Variants in INTS8 observed in about 807,000 individuals in gnomAD.
INTS8 encodes integrator complex subunit 8.
Under a neutral mutation model 138.9 loss-of-function variants are expected in INTS8, and 47 were observed. That is an observed-to-expected ratio of 0.34 (90% CI 0.27 to 0.43). The LOEUF (loss-of-function observed/expected upper bound fraction) is 0.43. Ranked by LOEUF, INTS8 falls within the 20% of genes least tolerant of loss-of-function variation. The pLI, the probability that INTS8 is intolerant of heterozygous loss-of-function variation, is 1.00. For synonymous variants in INTS8, 392 were observed against 400.9 expected (o/e 0.98, Z 0.27); for missense variants, 996 against 1,173.0 (o/e 0.85, Z 2.20).
intron 7 of INTS8, among the ~76,000 whole-genome samples, chr8:94,836,844 TTCTC>T (rs72486224): frequency 6.6e-6 from 1 of 152,050 alleles, no homozygotes; most frequent in African/African-American, 2.4e-5. Context: ...TCCAGCTTTT[TTCTC>T]TCTGTTTTTG....
At chr8:94,879,007 A>C (rs1218378469) in intron 26 of INTS8, among the ~76,000 whole-genome samples, 1 of 152,136 alleles carries the variant, frequency 6.6e-6, no homozygotes, top group Non-Finnish European at 1.5e-5. Flanking sequence ...TAGGTAATTT[A>C]ATCCACTCTC....
chr8:94,841,537 C>A lies in INTS8; in HGVS notation c.1064C>A (p.Pro355His), dbSNP rs745497753. 6.2e-7 allele frequency: 1 copy of A among 1,609,142 alleles called. No individual in the cohort carries two copies. Among genetic ancestry groups the A allele is most frequent in the South Asian group, 1.1e-5 (1 of 90,428 alleles). Residue 355 changes from proline to histidine, a missense_variant, in exon 9 of 27, where the codon CCT becomes CAT. Pro to His is a moderately conservative substitution (Grantham distance 77). Transcript: ENST00000523731. Reference protein sequence around the residue: ...FIEDNLTLSLPVQFRQSVLRE... With the variant: ...FIEDNLTLSLHVQFRQSVLRE... Reference sequence around the variant, plus strand: ...GAAGACAACTTAACCTTGAGTTTACCTGTCCAGTTCCGACAGTCAGTCCTA... The same window carrying A: ...GAAGACAACTTAACCTTGAGTTTACATGTCCAGTTCCGACAGTCAGTCCTA...
chr8:94,866,033 T>C, intron 17 of INTS8, 125 bp from the exon 18 acceptor site: 1 of 568,454 alleles, frequency 1.8e-6, no homozygotes, highest in Non-Finnish European at 3.2e-6. Flanking sequence ...CAGTAGAATA[T>C]TACATTCCTT....
Position 94,881,504 on chromosome 8 carries a change from G to GC in INTS8, c.*1271dup. The GC allele has an allele frequency of 1.3e-6, 1 of 781,796 alleles. No individual in the cohort carries two copies. The highest frequency in any genetic ancestry group is 2.0e-5 in the South Asian group (1 of 50,082). 48.4% of individuals were successfully genotyped at this position (781,796 alleles called of 1,614,324 possible). A position where few individuals can be genotyped will look rare whatever the true frequency, so the allele number is the denominator to read the frequency against. The stretch of plus-strand genomic sequence containing the variant: ...AATTGTAAGTTTTAAAATCAGAATG[G>GC]CAGTGTAACTTGTGAATTGGCTAGG... On this transcript the variant is annotated 3_prime_UTR_variant, in exon 27 of 27. Transcript: ENST00000523731.
At position 94,849,497 on chromosome 8, in the gene INTS8, A is replaced by G. The variant is rs1300957592; in HGVS notation, c.1296A>G (p.Ser432=). 5.1e-6 allele frequency: 8 copies of G among 1,571,410 alleles called. No individual in the cohort carries two copies. Among genetic ancestry groups the G allele is most frequent in the Non-Finnish European group, 6.9e-6 (8 of 1,153,960 alleles). The change falls in exon 11 of 27, where the codon TCA becomes TCG. Residue 432 remains serine (S), a synonymous_variant. Transcript: ENST00000523731. ...GATCAGTAAATTTAGAAAAAGCTTC[A>G]GAGTCTTTGAAAGGAAACATGGCTG... is the stretch of plus-strand genomic sequence containing the variant. ...CSRSVNLEKA[S]ESLKGNMAAF...
At position 94,841,597 on chromosome 8, in the gene INTS8, T is replaced by C; in HGVS notation, c.1118+6T>C. The C allele has an allele frequency of 6.8e-7, 1 of 1,460,444 alleles. No individual in the cohort carries two copies. Among genetic ancestry groups the C allele is most frequent in the Non-Finnish European group, 9.4e-7 (1 of 1,058,292 alleles). The allele number at this position is 1,460,444 out of a possible 1,614,324, so 90.5% of individuals were successfully genotyped here. A position where few individuals can be genotyped will look rare whatever the true frequency, so the allele number is the denominator to read the frequency against. ...TTTAAGAAAGCTCAACAGGGGTAAGTAAGTTGAAAAATTACTTCTTGATTT... is the reference window on the plus strand; with the variant it reads ...TTTAAGAAAGCTCAACAGGGGTAAGCAAGTTGAAAAATTACTTCTTGATTT... On this transcript the variant is annotated splice_donor_region_variant and intron_variant, in intron 9 of 26. Transcript: ENST00000523731.
chr8:94,843,423 C>T (rs983746961), intron 10 of INTS8, among the ~76,000 whole-genome samples: 3 of 151,988 alleles, frequency 2.0e-5, no homozygotes, highest in Admixed American at 6.6e-5. Context: ...AAAAATTAGC[C>T]GAGCGTGCTG....
chr8:94,833,832 C>T (rs888576599), intron 6 of INTS8, among the ~76,000 whole-genome samples: 13 of 152,126 alleles, frequency 8.5e-5, no homozygotes, highest in African/African-American at 2.9e-4. Context: ...AGTGCAATGT[C>T]GTGATCTCAG....
chr8:94,865,355 T>C, intron 16 of INTS8, 151 bp from the exon 17 acceptor site: 1 of 606,392 alleles, frequency 1.6e-6, no homozygotes. Context: ...CCTAAATTCC[T>C]CAAAGGTTGT....
intron 5 of INTS8, among the ~76,000 whole-genome samples, chr8:94,831,471 ATTGTC>A (rs1005682545): frequency 7.6e-6 from 1 of 131,284 alleles, no homozygotes; most frequent in African/African-American, 2.8e-5. Context: ...TGTTTTTTGT[ATTGTC>A]TTTTTCTTTT....
chr8:94,881,556 T>G lies in INTS8; in HGVS notation c.*1322T>G. On this transcript the variant is annotated 3_prime_UTR_variant, in exon 27 of 27. Transcript: ENST00000523731. ...CAATCAATCACAGCACTACTTTCTGTAAAACTTTAGTAGTTCAGTGATACC... is the reference window on the plus strand; with the variant it reads ...CAATCAATCACAGCACTACTTTCTGGAAAACTTTAGTAGTTCAGTGATACC... The G allele has an allele frequency of 6.7e-7, 1 of 1,481,818 alleles. No individual in the cohort carries two copies. 91.8% of individuals were successfully genotyped at this position (1,481,818 alleles called of 1,614,324 possible). A position where few individuals can be genotyped will look rare whatever the true frequency, so the allele number is the denominator to read the frequency against.
At chr8:94,834,631 A>G (rs1254130889) in intron 6 of INTS8, among the ~76,000 whole-genome samples, 2 of 151,682 alleles carry the variant, frequency 1.3e-5, no homozygotes, top group Non-Finnish European at 2.9e-5. Flanking sequence ...TTGAACCCGA[A>G]AGAGGAGATT....
At chr8:94,829,077 C>A in intron 5 of INTS8, 51 bp downstream of exon 5, 4 of 1,327,456 alleles carry the variant, frequency 3.0e-6, no homozygotes, top group South Asian at 1.2e-5. Flanking sequence ...AACTTTAGAG[C>A]AGCAGTTCCC....
At chr8:94,838,338 C>T in intron 7 of INTS8, 125 bp from the exon 8 acceptor site, 1 of 726,528 alleles carries the variant, frequency 1.4e-6, no homozygotes, top group Non-Finnish European at 2.2e-6. Context: ...GCGTGAACCG[C>T]TGTGCCCAGC....
intron 10 of INTS8, among the ~76,000 whole-genome samples, chr8:94,846,764 CTCCTT>C (rs948585652): frequency 5.3e-5 from 8 of 152,342 alleles, no homozygotes; most frequent in Admixed American, 5.2e-4. Context: ...GTTCCCTTCT[CTCCTT>C]AGTTCACTGA....
In INTS8 at chr8:94,880,941, TATA is replaced by T; in HGVS notation, c.*710_*712del. On this transcript the variant is annotated 3_prime_UTR_variant, in exon 27 of 27. Transcript: ENST00000523731. ...AAGGAGCCACAGCATTTATCTTGTTTATAATTTCTTTGGTACTCCCACTGTTTA... is the reference window on the plus strand; with the variant it reads ...AAGGAGCCACAGCATTTATCTTGTTTATTTCTTTGGTACTCCCACTGTTTA... 2.5e-6 allele frequency: 1 copy of T among 398,838 alleles called. No homozygotes were observed. The highest frequency in any genetic ancestry group is 4.4e-6 in the Non-Finnish European group (1 of 225,930). 24.7% of individuals were successfully genotyped at this position (398,838 alleles called of 1,614,324 possible). A position where few individuals can be genotyped will look rare whatever the true frequency, so the allele number is the denominator to read the frequency against.
intron 6 of INTS8, among the ~76,000 whole-genome samples, chr8:94,835,605 C>CTTT: frequency 6.8e-6 from 1 of 146,032 alleles, no homozygotes; most frequent in East Asian, 2.0e-4. Context: ...GAGCCTGCTT[C>CTTT]TTTTTTTTTT....
At chr8:94,839,267 C>T (rs1815049166) in intron 8 of INTS8, among the ~76,000 whole-genome samples, 3 of 152,136 alleles carry the variant, frequency 2.0e-5, no homozygotes, top group Admixed American at 6.5e-5. Flanking sequence ...TGTGCGCGCC[C>T]CACCCTCCCC....
At chr8:94,863,883 C>T (rs1816082568) in intron 16 of INTS8, among the ~76,000 whole-genome samples, 3 of 152,114 alleles carry the variant, frequency 2.0e-5, no homozygotes, top group Admixed American at 2.0e-4. Context: ...GATGAAATAT[C>T]CTGCTAGGCC....
Sources: allele counts gnomAD v4.1 joint callset (sites outside exome capture counted in the v4.1 genomes callset), GRCh38; gene constraint gnomAD v4.1.1; transcripts MANE v1.5; gene names NCBI Gene and HGNC (gene_info 2026-07-23, HGNC 2026-07-21).